The following HDAC8 variants were observed in gnomAD, a reference collection of about 807,000 sequenced individuals.
HDAC8 encodes histone deacetylase-like 1.
A neutral mutation model predicts 32.2 loss-of-function variants in HDAC8; 1 was observed. The observed-to-expected ratio is 0.03, with a 90% CI of 0.01 to 0.15. HDAC8 has a LOEUF of 0.15. HDAC8 is among the 10% of genes least tolerant of loss of function. The probability of loss-of-function intolerance (pLI) is 1.00; values close to 1 mark genes in which losing one functional copy is unlikely to be tolerated. For missense variants in HDAC8, 117 were observed against 300.0 expected (o/e 0.39, Z 4.51); for synonymous variants, 108 against 113.9 (o/e 0.95, Z 0.33).
intron 8 of HDAC8, among the ~76,000 whole-genome samples, chrX:72,463,442 A>G (rs1029070593): frequency 8.9e-6 from 1 of 111,974 alleles, no homozygotes; most frequent in Non-Finnish European, 1.9e-5. Context: ...TTTAATGTAA[A>G]GATTATAGCC....
At chrX:72,390,030 T>A (rs1485195176) in intron 9 of HDAC8, among the ~76,000 whole-genome samples, 2 of 111,942 alleles carry the variant, frequency 1.8e-5, no homozygotes, top group African/African-American at 6.5e-5. Flanking sequence ...TAATTTTTTT[T>A]AATTTTTAAT....
In HDAC8 at chrX:72,351,098, G is replaced by T. The variant is rs1380129496; in HGVS notation, c.1111+635C>A. Among the ~76,000 whole-genome samples, 3 of 110,838 alleles carry T rather than the reference G, an allele frequency of 2.7e-5. No homozygotes were observed. In the Admixed American group the frequency reaches 2.9e-4, roughly 11 times the overall value. On this transcript the variant is annotated intron_variant, in intron 10 of 10. Coordinates refer to ENST00000373573, the MANE Select transcript of HDAC8 (RefSeq NM_018486.3). ...TCCCCACCCCTGCTAAGTCTGAATT[G>T]ACTTGAATTTTCCTCTTTTTTTTTT... is the stretch of plus-strand genomic sequence containing the variant.
chrX:72,388,343 G>A (rs2045511972), intron 9 of HDAC8, among the ~76,000 whole-genome samples: 1 of 109,570 alleles, frequency 9.1e-6, no homozygotes, highest in South Asian at 4.0e-4. Flanking sequence ...GATCCCCCAA[G>A]TCCCACCCCA....
At position 72,495,283 on chromosome X, in the gene HDAC8, G is replaced by A. The variant is rs72630048; in HGVS notation, c.438-15C>T. 0.053 allele frequency: 60,045 copies of A among 1,122,577 alleles called. 9,177 individuals are homozygous for A. The East Asian group carries it at 0.76, about 14-fold the overall frequency. 92.5% of individuals were successfully genotyped at this position (1,122,577 alleles called of 1,213,427 possible). A position where few individuals can be genotyped will look rare whatever the true frequency, so the allele number is the denominator to read the frequency against. On this transcript the variant is annotated splice_polypyrimidine_tract_variant and intron_variant, in intron 4 of 10. Transcript: ENST00000373573. ...ATGCTTCATCTCTGTAAGAAAACAA[G>A]TTGCTACAGCCAACAGCCAAAAAGC... is the stretch of plus-strand genomic sequence containing the variant.
chrX:72,507,789 T>C (rs1293563774), intron 4 of HDAC8, among the ~76,000 whole-genome samples: 3 of 112,615 alleles, frequency 2.7e-5, no homozygotes, highest in African/African-American at 9.7e-5. Context: ...TTCTGAAATG[T>C]GTCTGCAGCG....
intron 9 of HDAC8, among the ~76,000 whole-genome samples, chrX:72,356,644 G>A (rs1555950915): frequency 9.1e-6 from 1 of 109,916 alleles, no homozygotes; most frequent in Admixed American, 9.7e-5. Context: ...TCGTGATCTC[G>A]ACTCACTGCA....
chrX:72,566,669 A>G (rs2051804477), intron 4 of HDAC8, among the ~76,000 whole-genome samples: 1 of 112,304 alleles, frequency 8.9e-6, no homozygotes, highest in Non-Finnish European at 1.9e-5. Context: ...AGGCATTGGC[A>G]GTTACTACCA....
At chrX:72,359,550 A>T (rs1336951787) in intron 9 of HDAC8, among the ~76,000 whole-genome samples, 1 of 111,133 alleles carries the variant, frequency 9.0e-6, no homozygotes. Context: ...AAGAGAGCAC[A>T]GGAAGCCTTG....
At chrX:72,437,214 C>T (rs1555979567) in intron 9 of HDAC8, among the ~76,000 whole-genome samples, 1 of 111,566 alleles carries the variant, frequency 9.0e-6, no homozygotes, top group East Asian at 2.9e-4. Flanking sequence ...TGGGGTGTTG[C>T]CTCACCTGGG....
chrX:72,351,618 G>A (rs1300859176), intron 10 of HDAC8, 115 bp downstream of exon 10: 1 of 492,225 alleles, frequency 2.0e-6, no homozygotes, highest in Non-Finnish European at 3.5e-6. Flanking sequence ...TCCTTTCCAA[G>A]TCAGTGAAAT....
intron 9 of HDAC8, among the ~76,000 whole-genome samples, chrX:72,360,277 C>T (rs1242205108): frequency 1.8e-5 from 2 of 109,472 alleles, no homozygotes; most frequent in Admixed American, 1.9e-4. Flanking sequence ...ATCTCTTGAA[C>T]CCAGGAGGCG....
chrX:72,484,443 T>C (rs1227692164), intron 7 of HDAC8, among the ~76,000 whole-genome samples: 2 of 112,317 alleles, frequency 1.8e-5, no homozygotes, highest in African/African-American at 3.2e-5. Flanking sequence ...TTGGTGAAAT[T>C]ACTAAGCTGA....
chrX:72,401,166 A>G lies in HDAC8; in HGVS notation c.1006-49328T>C, dbSNP rs142971749. On this transcript the variant is annotated intron_variant, in intron 9 of 10. Coordinates refer to ENST00000373573, the MANE Select transcript of HDAC8 (RefSeq NM_018486.3). ...GAGGAACTGCCAAACTGTTTTCCAAAGCAGCTGTACTTTTACATTCCCATG... is the reference window on the plus strand; with the variant it reads ...GAGGAACTGCCAAACTGTTTTCCAAGGCAGCTGTACTTTTACATTCCCATG... 8.5e-3 allele frequency among the ~76,000 whole-genome samples: 951 copies of G among 112,315 alleles called. 13 individuals are homozygous for G. Among genetic ancestry groups the G allele is most frequent in the African/African-American group, 0.029 (897 of 30,931 alleles).
chrX:72,473,544 C>T (rs181612210), intron 7 of HDAC8: 1 of 207,170 alleles, frequency 4.8e-6, no homozygotes, highest in Admixed American at 9.4e-5. Flanking sequence ...GATGGGGAAA[C>T]TGCCATACAG....
At chrX:72,382,363 T>C (rs1555960075) in intron 9 of HDAC8, among the ~76,000 whole-genome samples, 2 of 112,198 alleles carry the variant, frequency 1.8e-5, no homozygotes, top group Non-Finnish European at 3.8e-5. Flanking sequence ...CCTGCCATCC[T>C]ATTAAGACAG....
intron 9 of HDAC8, among the ~76,000 whole-genome samples, chrX:72,394,990 C>T (rs184037278): frequency 3.3e-4 from 37 of 111,464 alleles, no homozygotes; most frequent in African/African-American, 1.2e-3. Context: ...TCACCAGCAT[C>T]GACTAAAGAA....
chrX:72,479,130 C>T (rs1556001953), intron 7 of HDAC8, among the ~76,000 whole-genome samples: 1 of 111,959 alleles, frequency 8.9e-6, no homozygotes, highest in East Asian at 2.8e-4. Context: ...CCCAACGAGG[C>T]AGCTCATCAG....
At chrX:72,556,018 C>T (rs902714654) in intron 4 of HDAC8, among the ~76,000 whole-genome samples, 11 of 111,666 alleles carry the variant, frequency 9.9e-5, no homozygotes, top group African/African-American at 2.9e-4. Flanking sequence ...CATGAGGTAA[C>T]CTATAAAGGA....
chrX:72,489,311 A>G (rs782050319), intron 6 of HDAC8: 1 of 416,252 alleles, frequency 2.4e-6, no homozygotes, highest in East Asian at 5.2e-5. Flanking sequence ...TCAATTTATC[A>G]CTGCAATTAT....
Sources: allele counts gnomAD v4.1 joint callset (sites outside exome capture counted in the v4.1 genomes callset), GRCh38; gene constraint gnomAD v4.1.1; transcripts MANE v1.5; gene names NCBI Gene and HGNC (gene_info 2026-07-23, HGNC 2026-07-21).